The following STK39 variants were observed in gnomAD, a reference collection of about 807,000 sequenced individuals.
STK39 encodes serine/threonine kinase 39.
STK39 carries 20 observed loss-of-function variants against 77.8 expected under a neutral mutation model. The observed-to-expected ratio is 0.26, with a 90% CI of 0.18 to 0.37. The LOEUF (loss-of-function observed/expected upper bound fraction) is 0.37, where lower values mean the gene tolerates loss of function less well. STK39 is among the 10% of genes least tolerant of loss of function. The pLI, the probability that STK39 is intolerant of heterozygous loss-of-function variation, is 1.00. For missense variants in STK39, 479 were observed against 656.5 expected (o/e 0.73, Z 2.95); for synonymous variants, 246 against 234.1 (o/e 1.05, Z -0.47).
At chr2:168,063,764 T>C (rs1440701436) in intron 13 of STK39, among the ~76,000 whole-genome samples, 194 bp from the exon 14 acceptor site, 2 of 152,230 alleles carry the variant, frequency 1.3e-5, no homozygotes, top group African/African-American at 4.8e-5. Context: ...CCATCACAAT[T>C]GTGGATATGA....
intron 3 of STK39, among the ~76,000 whole-genome samples, chr2:168,164,656 CT>C (rs3835851): frequency 0.12 from 17,644 of 152,156 alleles, 2,062 homozygotes; most frequent in East Asian, 0.31. Context: ...ATCTGCCCAC[CT>C]TTGGCCTCCC....
chr2:168,239,088 G>T (rs896118993), intron 1 of STK39, among the ~76,000 whole-genome samples: 7 of 152,090 alleles, frequency 4.6e-5, no homozygotes, highest in Admixed American at 4.6e-4. Context: ...TATAAAAATA[G>T]AACTCCTGCC....
intron 16 of STK39, among the ~76,000 whole-genome samples, chr2:167,984,724 A>G (rs1336440027): frequency 6.6e-6 from 1 of 152,240 alleles, no homozygotes; most frequent in East Asian, 1.9e-4. Flanking sequence ...TATTTTTAAC[A>G]GTTGTGTGAT....
chr2:168,164,535 T>C (rs957680300), intron 3 of STK39, among the ~76,000 whole-genome samples: 1 of 152,158 alleles, frequency 6.6e-6, no homozygotes, highest in Non-Finnish European at 1.5e-5. Flanking sequence ...GCCTCCCAAG[T>C]AGCTGGGACT....
At chr2:168,200,520 A>G (rs56016837) in intron 1 of STK39, among the ~76,000 whole-genome samples, 1 of 147,716 alleles carries the variant, frequency 6.8e-6, no homozygotes, top group South Asian at 2.2e-4. Context: ...CAAAAAAAAA[A>G]TAAAAAATTA....
At chr2:167,990,056 T>G (rs1683660824) in intron 16 of STK39, among the ~76,000 whole-genome samples, 1 of 145,378 alleles carries the variant, frequency 6.9e-6, no homozygotes, top group East Asian at 2.0e-4. Context: ...AACTAAACTG[T>G]AAAAAAAAAA....
chr2:167,989,577 G>T (rs943362959), intron 16 of STK39, among the ~76,000 whole-genome samples: 5 of 152,182 alleles, frequency 3.3e-5, no homozygotes, highest in African/African-American at 1.2e-4. Context: ...AGCAGTGGGT[G>T]ATAGAGTTAG....
chr2:168,169,346 G>T (rs888795556), intron 2 of STK39, among the ~76,000 whole-genome samples: 4 of 152,116 alleles, frequency 2.6e-5, no homozygotes, highest in Non-Finnish European at 5.9e-5. Flanking sequence ...CATTAGGTAG[G>T]GTCCAGTTTA....
intron 14 of STK39, among the ~76,000 whole-genome samples, chr2:168,051,736 A>G (rs1270690411): frequency 6.6e-6 from 1 of 152,180 alleles, no homozygotes. Context: ...TACAGGCACA[A>G]GCCACAGCGC....
chr2:168,235,693 G>T (rs1190575316), intron 1 of STK39, among the ~76,000 whole-genome samples: 2 of 145,942 alleles, frequency 1.4e-5, no homozygotes, highest in East Asian at 4.1e-4. Context: ...CTATGAGTGA[G>T]AACATGCGGT....
chr2:167,992,660 T>A (rs986091672), intron 16 of STK39, among the ~76,000 whole-genome samples: 1 of 152,206 alleles, frequency 6.6e-6, no homozygotes, highest in Non-Finnish European at 1.5e-5. Context: ...ATTTTAAAAC[T>A]CAGTTTTTCA....
chr2:168,237,712 G>T (rs1359896143), intron 1 of STK39, among the ~76,000 whole-genome samples: 1 of 152,120 alleles, frequency 6.6e-6, no homozygotes, highest in Non-Finnish European at 1.5e-5. Flanking sequence ...CTTCAACTTT[G>T]GCCATTAGAG....
chr2:168,041,993 T>C (rs1276563064), intron 14 of STK39, among the ~76,000 whole-genome samples: 1 of 152,176 alleles, frequency 6.6e-6, no homozygotes, highest in Non-Finnish European at 1.5e-5. Context: ...AGCAAAAGCT[T>C]GCCTCGCTAT....
intron 10 of STK39, among the ~76,000 whole-genome samples, chr2:168,123,292 T>C (rs905892806): frequency 6.6e-6 from 1 of 152,182 alleles, no homozygotes; most frequent in African/African-American, 2.4e-5. Flanking sequence ...ATACATGACA[T>C]GAATGGGAAA....
At chr2:168,148,912 T>A (rs893834478) in intron 5 of STK39, among the ~76,000 whole-genome samples, 4 of 152,182 alleles carry the variant, frequency 2.6e-5, no homozygotes, top group Non-Finnish European at 5.9e-5. Flanking sequence ...TAAGTCCCAA[T>A]GACACTCCCT....
At chr2:168,066,433 G>A (rs888807010) in intron 12 of STK39, among the ~76,000 whole-genome samples, 2 of 152,156 alleles carry the variant, frequency 1.3e-5, no homozygotes, top group African/African-American at 4.8e-5. Context: ...AAATGACTAC[G>A]TTAGAAGAAC....
chr2:168,109,125 T>C (rs1057174683), intron 10 of STK39, among the ~76,000 whole-genome samples: 1 of 152,146 alleles, frequency 6.6e-6, no homozygotes, highest in Non-Finnish European at 1.5e-5. Flanking sequence ...CGATGTAATA[T>C]TCAACATATA....
At chr2:167,999,451 A>ATTTAT (rs979794700) in intron 16 of STK39, among the ~76,000 whole-genome samples, 2 of 152,018 alleles carry the variant, frequency 1.3e-5, no homozygotes, top group Non-Finnish European at 2.9e-5. Context: ...GAGATGCTTT[A>ATTTAT]TTTATTTTAT....
At chr2:167,959,699 TTCAATAAAG>T (rs1484606831) in intron 17 of STK39, among the ~76,000 whole-genome samples, 2 of 152,196 alleles carry the variant, frequency 1.3e-5, no homozygotes, top group African/African-American at 4.8e-5. Flanking sequence ...GTAGCTGAAA[TTCAATAAAG>T]TCAATAATGT....
Sources: gnomAD v4.1 joint callset for allele counts (sites outside exome capture counted in the v4.1 genomes callset) on GRCh38, gnomAD v4.1.1 for gene constraint, MANE v1.5 for transcripts, NCBI Gene and HGNC (gene_info 2026-07-23, HGNC 2026-07-21) for gene names.